The following LRP1 variants were observed in gnomAD, a reference collection of about 807,000 sequenced individuals.
LRP1 encodes the protein LDL receptor related protein 1.
In LRP1, 51 loss-of-function variants were observed where a neutral mutation model predicts 541.5. That is an observed-to-expected ratio of 0.09 (90% CI 0.08 to 0.12). LRP1 has a LOEUF of 0.12. Among genes scored for constraint, LRP1 ranks in the 10% least tolerant of loss-of-function variants. The probability of loss-of-function intolerance (pLI) is 1.00; values close to 1 mark genes in which losing one functional copy is unlikely to be tolerated. For synonymous variants in LRP1, 2,219 were observed against 2,470.8 expected (o/e 0.90, Z 3.02); for missense variants, 3,878 against 6,376.2 (o/e 0.61, Z 13.34).
chr12:57,159,435 AT>A (rs1271849622), intron 11 of LRP1, among the ~76,000 whole-genome samples: 1 of 152,140 alleles, frequency 6.6e-6, no homozygotes, highest in African/African-American at 2.4e-5. Context: ...TCACTTCCTA[AT>A]TTATTCATTT....
In LRP1 at chr12:57,129,047, C is replaced by T. The variant is rs36095408; in HGVS notation, c.67+16C>T. The T allele has an allele frequency of 6.4e-7, 1 of 1,551,202 alleles. No individual in the cohort carries two copies. Among genetic ancestry groups the T allele is most frequent in the African/African-American group, 1.4e-5 (1 of 73,016 alleles). ...GCTATCGACGGTGAGTGAGATTCCGCGTCCCCCTTGGACCCCTGGGGGCAC... is the reference window on the plus strand; with the variant it reads ...GCTATCGACGGTGAGTGAGATTCCGTGTCCCCCTTGGACCCCTGGGGGCAC... On this transcript the variant is annotated intron_variant, in intron 1 of 88. Coordinates refer to ENST00000243077, the MANE Select transcript of LRP1 (RefSeq NM_002332.3).
rs771290632 is a variant in LRP1 at position 57,177,586 on chromosome 12, C to T, written c.4356C>T (p.Asp1452=). 9.0e-5 allele frequency: 146 copies of T among 1,613,602 alleles called. No homozygotes were observed. Among genetic ancestry groups the T allele is most frequent in the Middle Eastern group, 1.6e-4 (1 of 6,084 alleles). Reference sequence around the variant, plus strand: ...TGGAGAAGCGCATCCTTTGGATTGACGCCAGGTCAGCACCCTCTGTGCCCT... The same window carrying T: ...TGGAGAAGCGCATCCTTTGGATTGATGCCAGGTCAGCACCCTCTGTGCCCT... The part of the protein sequence containing the change: ...DYLEKRILWI[D]ARSDAIYSAR... The change falls in exon 26 of 89, where the codon GAC becomes GAT. Residue 1452 remains aspartate (D), a synonymous_variant. Transcript: ENST00000243077. The surrounding 1 kb of genome is among the most constrained non-coding windows in gnomAD (Gnocchi z 6.8).
At chr12:57,193,779 G>A (rs1156710077) in intron 47 of LRP1, 94 bp downstream of exon 47, 1 of 1,607,620 alleles carries the variant, frequency 6.2e-7, no homozygotes, top group East Asian at 2.2e-5. Flanking sequence ...GTGGTGTCTG[G>A]TTCAAGGCAC....
rs962402779 is a variant in LRP1 at position 57,195,011 on chromosome 12, G to A, written c.8218G>A (p.Glu2740Lys). 6 of 1,613,948 alleles carry A rather than the reference G, an allele frequency of 3.7e-6. No individual in the cohort carries two copies. The highest frequency in any genetic ancestry group is 5.1e-6 in the Non-Finnish European group (6 of 1,179,984). Residue 2740 changes from glutamate to lysine, a missense_variant, in exon 51 of 89, where the codon GAG becomes AAG. Glu to Lys is a moderately conservative substitution (Grantham distance 56). Transcript: ENST00000243077. The stretch of plus-strand genomic sequence containing the variant: ...CAAGTTCTGCTCAGAGGCCCAGTTT[G>A]AGTGCCAGAACCATCGCTGCATCTC... Reference protein sequence around the residue: ...CNKFCSEAQFECQNHRCISKQ... With the variant: ...CNKFCSEAQFKCQNHRCISKQ...
At chr12:57,134,512 C>T (rs977620208) in intron 1 of LRP1, among the ~76,000 whole-genome samples, 3 of 152,270 alleles carry the variant, frequency 2.0e-5, no homozygotes, top group Admixed American at 6.5e-5. Context: ...AATGCAATGG[C>T]GTGATCTCTG....
chr12:57,191,985 C>T (rs2036416683), intron 44 of LRP1, among the ~76,000 whole-genome samples: 1 of 14,348 alleles, frequency 7.0e-5, no homozygotes, highest in African/African-American at 2.5e-4. Context: ...GACACATACA[C>T]ACCACACATA....
Position 57,184,157 on chromosome 12 carries a change from T to C in LRP1, c.6002T>C (p.Val2001Ala). 1 of 1,614,132 alleles carries C rather than the reference T, an allele frequency of 6.2e-7. No homozygotes were observed. Among genetic ancestry groups the C allele is most frequent in the Non-Finnish European group, 8.5e-7 (1 of 1,180,014 alleles). The change falls in exon 37 of 89, where the codon GTG becomes GCG. Residue 2001 changes from valine to alanine, a missense_variant. Coordinates refer to ENST00000243077, the MANE Select transcript of LRP1 (RefSeq NM_002332.3). This position sits in a 1 kb window ranked among gnomAD's most constrained non-coding sequence, Gnocchi z 7.8. ...VARLNGSFRY[V>A]VISQGLDKPR... ...CGGCTCAATGGCTCCTTCCGCTACG[T>C]GGTGATCTCCCAGGGTCTAGACAAG...
chr12:57,187,880 TA>T (rs2036300392), intron 42 of LRP1, among the ~76,000 whole-genome samples: 1 of 152,128 alleles, frequency 6.6e-6, no homozygotes, highest in South Asian at 2.1e-4. Context: ...TTGTGGGAAG[TA>T]ATGGTAACTG....
chr12:57,144,199 T>C (rs1230486997), intron 4 of LRP1, among the ~76,000 whole-genome samples: 1 of 152,210 alleles, frequency 6.6e-6, no homozygotes, highest in Non-Finnish European at 1.5e-5. Flanking sequence ...AAAATCTAAT[T>C]GGAAGTACTG....
At chr12:57,135,715 C>T (rs1365347641) in intron 1 of LRP1, among the ~76,000 whole-genome samples, 1 of 152,204 alleles carries the variant, frequency 6.6e-6, no homozygotes, top group Non-Finnish European at 1.5e-5. Flanking sequence ...TTCACTTGTC[C>T]CATCCCCCAT....
rs530977436 is a variant in LRP1 at position 57,206,644 on chromosome 12, C to T, written c.11762C>T (p.Thr3921Met). Residue 3921 changes from threonine to methionine, a missense_variant, in exon 76 of 89, where the codon ACG (threonine) becomes ATG (methionine). Around this residue, in one of 13 missense-constraint regions of LRP1, gnomAD observed 871 missense variants for 1,212.4 expected, o/e 0.72. Coordinates refer to ENST00000243077, the MANE Select transcript of LRP1 (RefSeq NM_002332.3). The surrounding 1 kb of genome is among the most constrained non-coding windows in gnomAD (Gnocchi z 4.7). ...AGRVYWTNWH[T>M]GTISYRSLPP... ...CGTGTCTATTGGACCAACTGGCACACGGGCACCATCTCCTACCGCAGCCTG... is the reference window on the plus strand; with the variant it reads ...CGTGTCTATTGGACCAACTGGCACATGGGCACCATCTCCTACCGCAGCCTG... 2.0e-5 allele frequency: 33 copies of T among 1,614,048 alleles called. No individual in the cohort carries two copies. The highest frequency in any genetic ancestry group is 7.7e-5 in the South Asian group (7 of 91,092).
intron 12 of LRP1, 72 bp downstream of exon 12, chr12:57,160,077 G>T: frequency 6.6e-7 from 1 of 1,506,634 alleles, no homozygotes. Flanking sequence ...AGGATGAAAT[G>T]GACAGGGAAG....
chr12:57,162,532 G>T lies in LRP1; in HGVS notation c.2404+14G>T. 1 of 1,612,990 alleles carries T rather than the reference G, an allele frequency of 6.2e-7. No homozygotes were observed. Among genetic ancestry groups the T allele is most frequent in the Non-Finnish European group, 8.5e-7 (1 of 1,179,880 alleles). On this transcript the variant is annotated intron_variant, in intron 14 of 88. Coordinates refer to ENST00000243077, the MANE Select transcript of LRP1 (RefSeq NM_002332.3). The surrounding 1 kb of genome is among the most constrained non-coding windows in gnomAD (Gnocchi z 5.2). ...AGCAGCAGCAAGGTACCTCCTTGGG[G>T]CTGGGGGCAGCGTGGGACCTGGAAG...
Position 57,208,298 on chromosome 12 carries a change from G to A in LRP1, c.12038+82G>A, listed in dbSNP as rs34100010. 292 of 1,434,554 alleles carry A rather than the reference G, an allele frequency of 2.0e-4. 1 individual carries two copies. In the African/African-American group the frequency reaches 3.1e-3, roughly 15 times the overall value. The allele number at this position is 1,434,554 out of a possible 1,614,324, so 88.9% of individuals were successfully genotyped here. A position where few individuals can be genotyped will look rare whatever the true frequency, so the allele number is the denominator to read the frequency against. On this transcript the variant is annotated intron_variant, in intron 77 of 88. Transcript: ENST00000243077. The stretch of plus-strand genomic sequence containing the variant: ...AGGGTTGGGGGCTGCACCCACATGC[G>A]TGCCCTTCCCTCCCAGGCCAGCCTG...
chr12:57,209,236 TC>T, intron 79 of LRP1, 37 bp downstream of exon 79: 1 of 1,541,918 alleles, frequency 6.5e-7, no homozygotes. Context: ...CCCAGCCCTG[TC>T]CCCAGCCTTG....
At chr12:57,152,323 G>A (rs548723107) in intron 6 of LRP1, among the ~76,000 whole-genome samples, 73 of 152,188 alleles carry the variant, frequency 4.8e-4, no homozygotes, top group African/African-American at 1.8e-3. Context: ...GCGCCAGCTG[G>A]TGCTGGGAAA....
chr12:57,184,797 G>A lies in LRP1; in HGVS notation c.6187-42G>A, dbSNP rs370740692. On this transcript the variant is annotated intron_variant, in intron 38 of 88. Transcript: ENST00000243077. The surrounding 1 kb of genome is among the most constrained non-coding windows in gnomAD (Gnocchi z 7.8). ...CTGCCCCAGACATGGGGCTGGCAGC[G>A]AGCTCAGCCCTGGAGGTGAGGTGGG... The A allele has an allele frequency of 1.6e-4, 255 of 1,588,972 alleles. No individual in the cohort carries two copies. Among genetic ancestry groups the A allele is most frequent in the Middle Eastern group, 1.9e-4 (1 of 5,140 alleles).
At chr12:57,187,945 C>T (rs34149348) in intron 42 of LRP1, among the ~76,000 whole-genome samples, 93 of 152,318 alleles carry the variant, frequency 6.1e-4, no homozygotes, top group African/African-American at 2.1e-3. Flanking sequence ...TAGATTGGCC[C>T]AGAGCCTGGA....
Position 57,201,009 on chromosome 12 carries a change from G to T in LRP1, c.10226-25G>T. The T allele has an allele frequency of 1.2e-6, 2 of 1,613,852 alleles. No individual in the cohort carries two copies. Among genetic ancestry groups the T allele is most frequent in the South Asian group, 1.1e-5 (1 of 91,000 alleles). On this transcript the variant is annotated intron_variant, in intron 64 of 88. Coordinates refer to ENST00000243077, the MANE Select transcript of LRP1 (RefSeq NM_002332.3). The surrounding 1 kb of genome is among the most constrained non-coding windows in gnomAD (Gnocchi z 6.4). Reference sequence around the variant, plus strand: ...TGCCCCTGAGTCCTCCCTTCGCCACGAATCACCTCCTCCTCCCTCCACAGA... The same window carrying T: ...TGCCCCTGAGTCCTCCCTTCGCCACTAATCACCTCCTCCTCCCTCCACAGA...
Sources: gnomAD v4.1 joint callset for allele counts (sites outside exome capture counted in the v4.1 genomes callset) on GRCh38, gnomAD v4.1.1 for gene constraint, gnomAD v4.1.1 regional missense constraint, Gnocchi (gnomAD v3.1) non-coding constraint, MANE v1.5 for transcripts, NCBI Gene and HGNC (gene_info 2026-07-23, HGNC 2026-07-21) for gene names.